Variants in CDYL observed in about 807,000 individuals in gnomAD.
CDYL encodes chromodomain Y like, also known as chromodomain Y-like protein.
In CDYL, 8 loss-of-function variants were observed where a neutral mutation model predicts 47.3. That is an observed-to-expected ratio of 0.17 (90% confidence interval 0.10 to 0.31). The LOEUF (loss-of-function observed/expected upper bound fraction) is 0.31, where lower values mean the gene tolerates loss of function less well. CDYL is among the 10% of genes least tolerant of loss of function. The pLI, the probability that CDYL is intolerant of heterozygous loss-of-function variation, is 1.00. For synonymous variants in CDYL, 266 were observed against 265.0 expected (o/e 1.00, Z -0.04); for missense variants, 471 against 701.4 (o/e 0.67, Z 3.71).
chr6:4,922,094 C>T (rs1413525942), intron 2 of CDYL, among the ~76,000 whole-genome samples: 1 of 152,182 alleles, frequency 6.6e-6, no homozygotes, highest in African/African-American at 2.4e-5. Context: ...CTTAGCACCC[C>T]TCACCTGCTC....
intron 1 of CDYL, 77 bp downstream of exon 1, chr6:4,776,884 C>T: frequency 1.5e-6 from 1 of 664,904 alleles, no homozygotes; most frequent in Non-Finnish European, 1.9e-6. Context: ...CCCGACGGCC[C>T]CGCTCGCCGC....
At chr6:4,860,378 A>G (rs1014885900) in intron 1 of CDYL, among the ~76,000 whole-genome samples, 5 of 151,164 alleles carry the variant, frequency 3.3e-5, no homozygotes, top group African/African-American at 1.2e-4. Context: ...CCTAACTACT[A>G]TGGTGAAGCT....
intron 2 of CDYL, among the ~76,000 whole-genome samples, chr6:4,928,519 G>A (rs537536390): frequency 4.7e-4 from 71 of 152,242 alleles, no homozygotes; most frequent in Middle Eastern, 3.4e-3. Context: ...GACATAAACC[G>A]TCAACCATTA....
intron 3 of CDYL, among the ~76,000 whole-genome samples, chr6:4,748,902 G>C (rs1320698258): frequency 1.3e-5 from 2 of 152,146 alleles, no homozygotes; most frequent in Non-Finnish European, 2.9e-5. Flanking sequence ...CAGCAGAGAA[G>C]TAAACATCTT....
Position 4,724,825 on chromosome 6 carries a change from T to C in CDYL, c.103+8944T>C, listed in dbSNP as rs201724949. The C allele has an allele frequency of 1.1e-4, 16 of 152,308 alleles. No homozygotes were observed. In the East Asian group the frequency reaches 2.1e-3, roughly 20 times the overall value. 9.4% of individuals were successfully genotyped at this position (152,308 alleles called of 1,614,324 possible). On this transcript the variant is annotated intron_variant, in intron 2 of 8. Transcript: ENST00000328908. Reference sequence around the variant, plus strand: ...TCAAAGAATTAGCAGCAACAATATTTATTGCAAAGAGCAAAAAAATAAAGC... The same window carrying C: ...TCAAAGAATTAGCAGCAACAATATTCATTGCAAAGAGCAAAAAAATAAAGC...
intron 3 of CDYL, among the ~76,000 whole-genome samples, chr6:4,771,206 C>T (rs1017258759): frequency 3.3e-5 from 5 of 151,896 alleles, no homozygotes; most frequent in African/African-American, 4.8e-5. Flanking sequence ...CTCTGCCTCC[C>T]GGGTTCAAGT....
chr6:4,768,630 A>G (rs1366030043), intron 3 of CDYL, among the ~76,000 whole-genome samples: 1 of 152,222 alleles, frequency 6.6e-6, no homozygotes, highest in Non-Finnish European at 1.5e-5. Flanking sequence ...TCTCCTATGC[A>G]GAAGAATTGT....
At chr6:4,949,990 C>A (rs966173233) in intron 5 of CDYL, among the ~76,000 whole-genome samples, 1 of 152,134 alleles carries the variant, frequency 6.6e-6, no homozygotes, top group Non-Finnish European at 1.5e-5. Flanking sequence ...GGGAAAGGAT[C>A]TCCAGGGATG....
At chr6:4,762,387 T>C (rs1758188119) in intron 3 of CDYL, among the ~76,000 whole-genome samples, 1 of 152,058 alleles carries the variant, frequency 6.6e-6, no homozygotes, top group Admixed American at 6.5e-5. Flanking sequence ...GTAGATCCAA[T>C]ATCTGGCACA....
intron 2 of CDYL, among the ~76,000 whole-genome samples, chr6:4,928,128 G>C (rs1561713654): frequency 6.6e-6 from 1 of 152,116 alleles, no homozygotes; most frequent in Non-Finnish European, 1.5e-5. Context: ...ATTTTAGCTT[G>C]TCTTCCTGCT....
At chr6:4,903,147 C>G (rs1757119983) in intron 2 of CDYL, among the ~76,000 whole-genome samples, 1 of 152,138 alleles carries the variant, frequency 6.6e-6, no homozygotes, top group Admixed American at 6.5e-5. Flanking sequence ...GGACAAATTA[C>G]CAAGGCACCA....
chr6:4,932,877 T>C (rs1456083508), intron 2 of CDYL, among the ~76,000 whole-genome samples: 1 of 152,216 alleles, frequency 6.6e-6, no homozygotes, highest in Non-Finnish European at 1.5e-5. Flanking sequence ...CGTGTGTTTT[T>C]ATTGATCGAT....
intron 1 of CDYL, among the ~76,000 whole-genome samples, chr6:4,845,790 C>G (rs1760637435): frequency 6.6e-6 from 1 of 152,164 alleles, no homozygotes; most frequent in South Asian, 2.1e-4. Flanking sequence ...TTTCCAACCG[C>G]TGAAAACGTA....
chr6:4,777,143 A>C (rs1218763312), intron 1 of CDYL, among the ~76,000 whole-genome samples: 1 of 99,842 alleles, frequency 1.0e-5, no homozygotes, highest in Non-Finnish European at 2.0e-5. Context: ...CTCGGCGGGG[A>C]CCGTGGGCGG....
intron 1 of CDYL, among the ~76,000 whole-genome samples, chr6:4,823,589 C>T (rs538169937): frequency 6.6e-6 from 1 of 152,192 alleles, no homozygotes; most frequent in African/African-American, 2.4e-5. Flanking sequence ...CAAACAGAAA[C>T]TTTGTAACCG....
At chr6:4,857,712 A>G (rs886959663) in intron 1 of CDYL, among the ~76,000 whole-genome samples, 19 of 152,260 alleles carry the variant, frequency 1.2e-4, no homozygotes, top group African/African-American at 4.3e-4. Context: ...TTTCAATACA[A>G]TCTGTCATTG....
intron 2 of CDYL, among the ~76,000 whole-genome samples, chr6:4,916,014 C>CCCACCCCA (rs1402028206): frequency 2.6e-5 from 4 of 152,190 alleles, no homozygotes; most frequent in African/African-American, 9.7e-5. Context: ...TGGAAGCCTC[C>CCCACCCCA]CCACCCCGCC....
At chr6:4,733,430 A>G (rs1209708739) in intron 2 of CDYL, among the ~76,000 whole-genome samples, 1 of 152,204 alleles carries the variant, frequency 6.6e-6, no homozygotes, top group Non-Finnish European at 1.5e-5. Context: ...AGTAAAAAAA[A>G]AAAAAAGAAA....
chr6:4,919,794 G>A (rs1234773146), intron 2 of CDYL, among the ~76,000 whole-genome samples: 1 of 151,940 alleles, frequency 6.6e-6, no homozygotes, highest in African/African-American at 2.4e-5. Flanking sequence ...AGATAATTTA[G>A]GAAACTATTA....
Sources: allele counts gnomAD v4.1 joint callset (sites outside exome capture counted in the v4.1 genomes callset), GRCh38; gene constraint gnomAD v4.1.1; transcripts MANE v1.5; gene names NCBI Gene and HGNC (gene_info 2026-07-23, HGNC 2026-07-21).